PSD3: variants seen among roughly 807,000 people sequenced by gnomAD.
The protein encoded by PSD3 is PH and SEC7 domain-containing protein 3.
Under a neutral mutation model 105.5 loss-of-function variants are expected in PSD3, and 49 were observed. The ratio of observed to expected loss-of-function variants is 0.46; its 90% CI spans 0.37 to 0.59. PSD3 has a LOEUF of 0.59. Ranked by LOEUF, PSD3 falls within the 20% of genes least tolerant of loss-of-function variation. PSD3 has a pLI of 0.00. For synonymous variants in PSD3, 557 were observed against 457.8 expected (o/e 1.22, Z -2.77); for missense variants, 1,561 against 1,263.8 (o/e 1.24, Z -3.57).
chr8:18,689,748 C>T (rs959727293), intron 9 of PSD3, among the ~76,000 whole-genome samples: 23 of 152,298 alleles, frequency 1.5e-4, no homozygotes, highest in Middle Eastern at 3.4e-3. Context: ...ATGTTTGTCA[C>T]GTAGCCCAAC....
Position 18,775,117 on chromosome 8 carries a change from C to T in PSD3, c.2083-9579G>A, listed in dbSNP as rs371730864. 2.6e-4 allele frequency among the ~76,000 whole-genome samples: 39 copies of T among 152,272 alleles called. 1 individual carries two copies. In the East Asian group the frequency reaches 5.2e-3, roughly 20 times the overall value. On this transcript the variant is annotated intron_variant, in intron 8 of 15. Transcript: ENST00000327040. The stretch of plus-strand genomic sequence containing the variant: ...TTGAGAAAGAACATGTGGTATTTGT[C>T]GCTCTGTGCCAGTTTACTTCACTTA...
At chr8:18,801,602 AG>A (rs1372579084) in intron 6 of PSD3, among the ~76,000 whole-genome samples, 1 of 152,166 alleles carries the variant, frequency 6.6e-6, no homozygotes, top group African/African-American at 2.4e-5. Flanking sequence ...AGGCCAAGGC[AG>A]GTGTTCACTT....
At chr8:18,893,418 A>T (rs1818939588) in intron 2 of PSD3, among the ~76,000 whole-genome samples, 1 of 152,112 alleles carries the variant, frequency 6.6e-6, no homozygotes, top group South Asian at 2.1e-4. Flanking sequence ...GGCTCGATAA[A>T]CTGTACTTAT....
chr8:18,617,366 A>G (rs898275363), intron 11 of PSD3, among the ~76,000 whole-genome samples: 3 of 152,074 alleles, frequency 2.0e-5, no homozygotes, highest in Non-Finnish European at 2.9e-5. Flanking sequence ...CCCCATCTCT[A>G]CTAAAAATTC....
chr8:18,560,106 T>C (rs1227147671), intron 14 of PSD3, among the ~76,000 whole-genome samples: 2 of 151,984 alleles, frequency 1.3e-5, no homozygotes, highest in African/African-American at 4.8e-5. Context: ...CAAGTGGCTC[T>C]TACGGACACA....
chr8:18,679,770 C>T (rs1477172321), intron 9 of PSD3, among the ~76,000 whole-genome samples: 1 of 152,182 alleles, frequency 6.6e-6, no homozygotes, highest in Non-Finnish European at 1.5e-5. Flanking sequence ...TCACTATGCA[C>T]CAACCAAAGT....
chr8:18,805,018 A>G (rs1003972048), intron 4 of PSD3, 120 bp from the exon 5 acceptor site: 1 of 829,026 alleles, frequency 1.2e-6, no homozygotes, highest in East Asian at 2.7e-5. Context: ...AGATCACTGT[A>G]TGTTTAAATA....
intron 11 of PSD3, among the ~76,000 whole-genome samples, chr8:18,622,082 C>T (rs890433432): frequency 7.9e-5 from 12 of 152,142 alleles, no homozygotes; most frequent in African/African-American, 2.7e-4. Context: ...CACACCACTC[C>T]TTGTATCCAC....
At chr8:18,814,691 A>G (rs1311066945) in intron 4 of PSD3, among the ~76,000 whole-genome samples, 3 of 152,206 alleles carry the variant, frequency 2.0e-5, no homozygotes, top group Non-Finnish European at 2.9e-5. Context: ...GTATATGCTC[A>G]TTGTTTGCAT....
chr8:18,673,707 C>T (rs929132560), intron 9 of PSD3, among the ~76,000 whole-genome samples: 2 of 152,194 alleles, frequency 1.3e-5, no homozygotes, highest in Admixed American at 6.5e-5. Context: ...AGGGAAGAGA[C>T]GCCCTGCTGT....
At chr8:18,543,053 A>T (rs1800239400) in intron 15 of PSD3, among the ~76,000 whole-genome samples, 1 of 152,176 alleles carries the variant, frequency 6.6e-6, no homozygotes, top group Admixed American at 6.5e-5. Context: ...TTTACCAAAT[A>T]CAACTGCAAT....
At chr8:18,743,681 T>G (rs1465536164) in intron 9 of PSD3, among the ~76,000 whole-genome samples, 1 of 150,954 alleles carries the variant, frequency 6.6e-6, no homozygotes, top group Non-Finnish European at 1.5e-5. Flanking sequence ...ACTTAGAAAG[T>G]GGAAGTTCCT....
chr8:18,935,438 G>C (rs988123516), intron 2 of PSD3, among the ~76,000 whole-genome samples: 3 of 151,848 alleles, frequency 2.0e-5, no homozygotes, highest in Non-Finnish European at 4.4e-5. Flanking sequence ...TGTTTTGTGG[G>C]GCCGAGGCAG....
chr8:18,651,815 G>A (rs927369402), intron 10 of PSD3, among the ~76,000 whole-genome samples: 2 of 152,176 alleles, frequency 1.3e-5, no homozygotes, highest in Non-Finnish European at 2.9e-5. Context: ...TGGGATACAG[G>A]TTCCTAGCAG....
chr8:18,835,368 T>C (rs900734607), intron 4 of PSD3, among the ~76,000 whole-genome samples: 8 of 152,228 alleles, frequency 5.3e-5, no homozygotes, highest in African/African-American at 1.9e-4. Context: ...ATACCTCATG[T>C]ATTGATTTAC....
chr8:19,008,016 T>C (rs751629775), intron 1 of PSD3, among the ~76,000 whole-genome samples: 2 of 150,038 alleles, frequency 1.3e-5, no homozygotes, highest in Non-Finnish European at 3.0e-5. Context: ...CTAATTTTTG[T>C]ATTTTTAGTA....
Position 19,069,897 on chromosome 8 carries a change from C to T in PSD3, c.324+14309G>A, listed in dbSNP as rs141422359. On this transcript the variant is annotated intron_variant, in intron 1 of 1. Transcript: ENST00000521475. ...TCCCCAATATTGCTATTTTTAGTTG[C>T]GAAATCTGGCAGTTCTGCACAAACT... Among the ~76,000 whole-genome samples, 268 of 151,990 alleles carry T rather than the reference C, an allele frequency of 1.8e-3. 5 individuals carry two copies. The East Asian group carries it at 0.046, about 26-fold the overall frequency.
At chr8:18,762,395 G>A (rs1030965196) in intron 9 of PSD3, among the ~76,000 whole-genome samples, 4 of 152,116 alleles carry the variant, frequency 2.6e-5, no homozygotes, top group Admixed American at 6.5e-5. Context: ...TGTACAGCCC[G>A]CAGAACCATG....
At chr8:18,924,136 T>C (rs1190875664) in intron 2 of PSD3, among the ~76,000 whole-genome samples, 2 of 152,126 alleles carry the variant, frequency 1.3e-5, no homozygotes, top group Non-Finnish European at 2.9e-5. Flanking sequence ...CAGTGTGGAA[T>C]AAGGTGGAAC....
Sources: allele counts gnomAD v4.1 joint callset (sites outside exome capture counted in the v4.1 genomes callset), GRCh38; gene constraint gnomAD v4.1.1; transcripts MANE v1.5; gene names NCBI Gene and HGNC (gene_info 2026-07-23, HGNC 2026-07-21).